The following NLGN1 variants were observed in gnomAD, a reference collection of about 807,000 sequenced individuals.
NLGN1 encodes neuroligin 1.
NLGN1 carries 12 observed loss-of-function variants against 65.5 expected under a neutral mutation model. The ratio of observed to expected loss-of-function variants is 0.18; its 90% CI spans 0.12 to 0.30. NLGN1 has a LOEUF of 0.30. Among genes scored for constraint, NLGN1 ranks in the 10% least tolerant of loss-of-function variants. The probability of loss-of-function intolerance (pLI) is 1.00; values close to 1 mark genes in which losing one functional copy is unlikely to be tolerated. For synonymous variants in NLGN1, 350 were observed against 359.5 expected, an observed-to-expected ratio of 0.97 and a Z score of 0.30; for missense variants, 750 against 1,007.1, an observed-to-expected ratio of 0.74 and a Z score of 3.46.
chr3:174,056,198 C>A (rs181472455), intron 4 of NLGN1, among the ~76,000 whole-genome samples: 3 of 152,140 alleles, frequency 2.0e-5, no homozygotes, highest in Admixed American at 2.0e-4. Flanking sequence ...CTATAACATT[C>A]TACAGCTATT....
intron 4 of NLGN1, among the ~76,000 whole-genome samples, chr3:174,165,497 C>T (rs1296852416): frequency 1.3e-5 from 2 of 152,036 alleles, no homozygotes; most frequent in Admixed American, 6.6e-5. Context: ...TGGTGAATCA[C>T]ATTTATTGAT....
chr3:174,106,304 T>C (rs1349113515), intron 4 of NLGN1, among the ~76,000 whole-genome samples: 3 of 152,110 alleles, frequency 2.0e-5, no homozygotes, highest in African/African-American at 7.2e-5. Context: ...TTCTCAAAAA[T>C]TCAGGATCAG....
rs556838316 is a variant in NLGN1, at chr3:173,500,226, A to G, written c.-321+65148A>G. ...CTCTTATTATTTTGAGATACATCCC[A>G]TGAATACCTAATTTATTGAGAGTTT... On this transcript the variant is annotated intron_variant, in intron 2 of 6. Transcript: ENST00000457714. 5.3e-5 allele frequency among the ~76,000 whole-genome samples: 8 copies of G among 152,306 alleles called. No individual in the cohort carries two copies. In the South Asian group the frequency reaches 1.7e-3, roughly 32 times the overall value.
chr3:173,872,666 G>A (rs1270308202), intron 4 of NLGN1, among the ~76,000 whole-genome samples: 2 of 152,088 alleles, frequency 1.3e-5, no homozygotes, highest in Non-Finnish European at 2.9e-5. Flanking sequence ...TTTCTTCAGG[G>A]CTATAAGAAT....
chr3:174,043,743 C>T (rs1732881843), intron 4 of NLGN1, among the ~76,000 whole-genome samples: 1 of 152,178 alleles, frequency 6.6e-6, no homozygotes, highest in Non-Finnish European at 1.5e-5. Context: ...GCACACAGTG[C>T]AAGCTGTTGG....
chr3:173,982,645 C>G (rs905384322), intron 4 of NLGN1, among the ~76,000 whole-genome samples: 1 of 152,124 alleles, frequency 6.6e-6, no homozygotes, highest in African/African-American at 2.4e-5. Flanking sequence ...ATGGTCACAG[C>G]TAAGTACACT....
Position 173,932,455 on chromosome 3 carries a change from G to C in NLGN1, c.646+124623G>C, listed in dbSNP as rs189036113. Among the ~76,000 whole-genome samples, 117 of 150,590 alleles carry C rather than the reference G, an allele frequency of 7.8e-4. 2 individuals are homozygous for C. Among genetic ancestry groups the C allele is most frequent in the African/African-American group, 2.8e-3 (114 of 40,948 alleles). ...TTGTGTGTAAGCAGAAAACAAACCA[G>C]TACTTAACTAGGACATCTGTCTATG... On this transcript the variant is annotated intron_variant, in intron 4 of 6. Coordinates refer to ENST00000457714, the Ensembl canonical transcript of NLGN1.
intron 3 of NLGN1, among the ~76,000 whole-genome samples, chr3:173,773,509 G>C (rs1301841892): frequency 1.3e-5 from 2 of 152,082 alleles, no homozygotes; most frequent in Non-Finnish European, 2.9e-5. Context: ...AAAAAGTATA[G>C]TGCCATTATT....
At chr3:174,261,952 T>C (rs932463995) in intron 4 of NLGN1, among the ~76,000 whole-genome samples, 2 of 146,538 alleles carry the variant, frequency 1.4e-5, no homozygotes, top group African/African-American at 5.2e-5. Context: ...CATGTGGTTT[T>C]TGTCTTTGGC....
intron 4 of NLGN1, among the ~76,000 whole-genome samples, chr3:173,993,639 A>G (rs1013726916): frequency 3.8e-5 from 5 of 130,440 alleles, no homozygotes; most frequent in Non-Finnish European, 8.0e-5. Flanking sequence ...ATAGATAGAA[A>G]GATAGCTAGA....
At chr3:173,630,810 C>T (rs1329030626) in intron 3 of NLGN1, among the ~76,000 whole-genome samples, 1 of 152,124 alleles carries the variant, frequency 6.6e-6, no homozygotes, top group African/African-American at 2.4e-5. Flanking sequence ...ATGCCATAAA[C>T]TTCTTGATTT....
At chr3:173,904,280 C>A (rs996393608) in intron 4 of NLGN1, among the ~76,000 whole-genome samples, 2 of 152,018 alleles carry the variant, frequency 1.3e-5, no homozygotes, top group African/African-American at 4.8e-5. Flanking sequence ...TTTCTCCTTT[C>A]CAATTTCAGT....
chr3:173,589,241 C>T (rs891454016), intron 2 of NLGN1, among the ~76,000 whole-genome samples: 2 of 152,156 alleles, frequency 1.3e-5, no homozygotes, highest in Non-Finnish European at 2.9e-5. Context: ...CACTGCATAT[C>T]CAGCTACGCT....
chr3:174,094,746 T>TAAAAAAAAAAAA (rs5854552), intron 4 of NLGN1, among the ~76,000 whole-genome samples: 1 of 88,908 alleles, frequency 1.1e-5, no homozygotes, highest in Non-Finnish European at 2.1e-5. Flanking sequence ...TTGGCTCCGC[T>TAAAAAAAAAAAA]AAAAAAAAAA....
In NLGN1 at chr3:174,080,922, G is replaced by GGTGTGTGTGTGTGTGTGTGT. The variant is rs571057944; in HGVS notation, c.647-194377_647-194358dup. 3.0e-3 allele frequency among the ~76,000 whole-genome samples: 420 copies of GGTGTGTGTGTGTGTGTGTGT among 141,252 alleles called. 2 individuals are homozygous for GGTGTGTGTGTGTGTGTGTGT. Among genetic ancestry groups the GGTGTGTGTGTGTGTGTGTGT allele is most frequent in the African/African-American group, 6.3e-3 (235 of 37,436 alleles). The allele number at this position is 141,252 out of a possible 152,430, so 92.7% of individuals were successfully genotyped here. The stretch of plus-strand genomic sequence containing the variant: ...AATTTGATGGTCGCCTGACATTCCT[G>GGTGTGTGTGTGTGTGTGTGT]GTGTGTGTGTGTGTGTGTGTGTGTG... On this transcript the variant is annotated intron_variant, in intron 4 of 6. Coordinates refer to ENST00000457714, the Ensembl canonical transcript of NLGN1.
intron 4 of NLGN1, among the ~76,000 whole-genome samples, chr3:173,859,453 A>T (rs777285726): frequency 6.6e-6 from 1 of 152,122 alleles, no homozygotes; most frequent in Non-Finnish European, 1.5e-5. Context: ...GCTACACCCA[A>T]TGTATTCAGA....
At chr3:173,782,203 AG>A (rs1781280344) in intron 3 of NLGN1, among the ~76,000 whole-genome samples, 1 of 152,154 alleles carries the variant, frequency 6.6e-6, no homozygotes, top group South Asian at 2.1e-4. Flanking sequence ...TGGGAAAGAC[AG>A]GGTGTTGAAA....
At chr3:173,515,291 T>C (rs1733643997) in intron 2 of NLGN1, among the ~76,000 whole-genome samples, 1 of 152,090 alleles carries the variant, frequency 6.6e-6, no homozygotes, top group Non-Finnish European at 1.5e-5. Flanking sequence ...GTCATTTGTG[T>C]TTTTTGGAAA....
chr3:173,785,310 T>C (rs1781780458), intron 3 of NLGN1, among the ~76,000 whole-genome samples: 1 of 152,218 alleles, frequency 6.6e-6, no homozygotes, highest in Non-Finnish European at 1.5e-5. Context: ...TCTTACTCTT[T>C]AGCATTTATT....
Sources: gnomAD v4.1 joint callset for allele counts (sites outside exome capture counted in the v4.1 genomes callset) on GRCh38, gnomAD v4.1.1 for gene constraint, MANE v1.5 for transcripts, NCBI Gene and HGNC (gene_info 2026-07-23, HGNC 2026-07-21) for gene names.